Variants in MMAB observed in about 807,000 individuals in gnomAD.
MMAB encodes the protein metabolism of cobalamin associated B.
MMAB carries 17 observed loss-of-function variants against 30.6 expected under a neutral mutation model. The observed-to-expected ratio is 0.56, with a 90% CI of 0.38 to 0.83. The LOEUF is 0.83. Among genes scored for constraint, MMAB ranks in the 40% least tolerant of loss-of-function variants. MMAB has a pLI of 0.00. For synonymous variants in MMAB, 134 were observed against 138.6 expected, an observed-to-expected ratio of 0.97 and a Z score of 0.23; for missense variants, 311 against 331.6, an observed-to-expected ratio of 0.94 and a Z score of 0.48.
At chr12:109,573,313 G>A (rs2136213224) in intron 1 of MMAB, 34 bp downstream of exon 1, 1 of 1,612,084 alleles carries the variant, frequency 6.2e-7, no homozygotes, top group Non-Finnish European at 8.5e-7. Context: ...ATTCACGGCA[G>A]GTGTTCGAGT....
chr12:109,555,834 C>CT lies in MMAB; in HGVS notation c.*1193dup, dbSNP rs1156621214. 4.4e-6 allele frequency: 2 copies of CT among 454,014 alleles called. No individual in the cohort carries two copies. The highest frequency in any genetic ancestry group is 1.4e-4 in the East Asian group (2 of 14,384). The allele number at this position is 454,014 out of a possible 1,614,324, so 28.1% of individuals were successfully genotyped here. On this transcript the variant is annotated 3_prime_UTR_variant, in exon 9 of 9. Transcript: ENST00000545712. ...AATGAAGGCAAAAATATGCACGTGA[C>CT]TAAGAAGGTAATGTTTGCTGACTTG...
intron 4 of MMAB, among the ~76,000 whole-genome samples, chr12:109,564,028 G>A (rs918975636): frequency 1.3e-5 from 2 of 152,220 alleles, no homozygotes; most frequent in Non-Finnish European, 2.9e-5. Flanking sequence ...GAGTCCCACG[G>A]GCTGAGGGCT....
At chr12:109,571,823 C>G in intron 1 of MMAB, 113 bp from the exon 2 acceptor site, 1 of 815,016 alleles carries the variant, frequency 1.2e-6, no homozygotes. Context: ...GCACTTACCC[C>G]TTACTGCTTA....
At chr12:109,573,255 C>T in intron 1 of MMAB, 92 bp downstream of exon 1, 1 of 1,549,588 alleles carries the variant, frequency 6.5e-7, no homozygotes, top group Non-Finnish European at 8.9e-7. Flanking sequence ...TGACGGTTGC[C>T]GCGGTGACCT....
At chr12:109,560,966 T>TCCCTCTCCCTCCCCCCTCCCCC in intron 7 of MMAB, 74 bp downstream of exon 7, 1 of 877,612 alleles carries the variant, frequency 1.1e-6, no homozygotes, top group Non-Finnish European at 1.8e-6. Context: ...CGTCCTCCTC[T>TCCCTCTCCCTCCCCCCTCCCCC]CCCTCTCCCT....
rs567978943 is a variant in MMAB at position 109,556,207 on chromosome 12, G to A, written c.*821C>T. On this transcript the variant is annotated 3_prime_UTR_variant, in exon 9 of 9. Coordinates refer to ENST00000545712, the MANE Select transcript of MMAB (RefSeq NM_052845.4). ...GCATAAGCCAGCCAAGTGCAACATCGGAGAAATCAGTCTGGTGGATGTCAG... is the reference window on the plus strand; with the variant it reads ...GCATAAGCCAGCCAAGTGCAACATCAGAGAAATCAGTCTGGTGGATGTCAG... 310 of 454,072 alleles carry A rather than the reference G, an allele frequency of 6.8e-4. No homozygotes were observed. The highest frequency in any genetic ancestry group is 4.7e-3 in the African/African-American group (234 of 50,086). 28.1% of individuals were successfully genotyped at this position (454,072 alleles called of 1,614,324 possible).
At chr12:109,573,275 G>T in intron 1 of MMAB, 72 bp downstream of exon 1, 5 of 1,597,176 alleles carry the variant, frequency 3.1e-6, no homozygotes, top group Non-Finnish European at 4.3e-6. Flanking sequence ...TCACGGCGGT[G>T]TGACGTACCC....
chr12:109,561,076 T>A lies in MMAB; in HGVS notation c.548A>T (p.His183Leu), dbSNP rs752866643. 16 of 1,541,046 alleles carry A rather than the reference T, an allele frequency of 1.0e-5. No individual in the cohort carries two copies. In the Admixed American group the frequency reaches 1.2e-4, roughly 12 times the overall value. ...PSGGKISSAL[H>L]FCRAVCRRAE... ...CCGGCGGCACACGGCCCGGCAGAAA[T>A]GCAGCGCCGAGCTGATCTTGCCTCC... is the stretch of plus-strand genomic sequence containing the variant. The change falls in exon 7 of 9, where the codon CAT (histidine) becomes CTT (leucine). Residue 183 changes from histidine to leucine, a missense_variant. Coordinates refer to ENST00000545712, the MANE Select transcript of MMAB (RefSeq NM_052845.4). The surrounding 1 kb of genome is among the most constrained non-coding windows in gnomAD (Gnocchi z 5.3).
At chr12:109,564,969 G>C (rs770244644) in intron 4 of MMAB, 150 bp downstream of exon 4, 1 of 776,828 alleles carries the variant, frequency 1.3e-6, no homozygotes, top group Non-Finnish European at 2.3e-6. Context: ...TACCTGGCCT[G>C]TCCGCATTTT....
chr12:109,564,890 G>C lies in MMAB; in HGVS notation c.348+229C>G, dbSNP rs1884359167. 9.6e-6 allele frequency: 6 copies of C among 628,240 alleles called. No homozygotes were observed. In the Admixed American group the frequency reaches 1.0e-4, roughly 11 times the overall value. The allele number at this position is 628,240 out of a possible 1,614,324, so 38.9% of individuals were successfully genotyped here. On this transcript the variant is annotated intron_variant, in intron 4 of 8. Coordinates refer to ENST00000545712, the MANE Select transcript of MMAB (RefSeq NM_052845.4). ...GTCAGGGTCTTATTATGTTACCTAG[G>C]CTCCTGGCCTCAAGTGATCTTCCTG...
chr12:109,571,096 C>G (rs900299805), intron 2 of MMAB, among the ~76,000 whole-genome samples: 6 of 152,170 alleles, frequency 3.9e-5, no homozygotes, highest in East Asian at 1.9e-4. Context: ...ACCTTTCAGA[C>G]TATTCTACAC....
At chr12:109,573,267 A>G (rs1884723554) in intron 1 of MMAB, 80 bp downstream of exon 1, 1 of 1,586,620 alleles carries the variant, frequency 6.3e-7, no homozygotes, top group Non-Finnish European at 8.6e-7. Context: ...CGGTGACCTC[A>G]CGGCGGTGTG....
chr12:109,561,271 C>A lies in MMAB; in HGVS notation c.519+149G>T. On this transcript the variant is annotated intron_variant, in intron 6 of 8. Transcript: ENST00000545712. The surrounding 1 kb of genome is among the most constrained non-coding windows in gnomAD (Gnocchi z 5.3). ...GCACGCTGCTCCAGAGTGGGCAGGGCTGGGAGGGACCGGTGAGGACCTGGA... is the reference window on the plus strand; with the variant it reads ...GCACGCTGCTCCAGAGTGGGCAGGGATGGGAGGGACCGGTGAGGACCTGGA... 6.3e-7 allele frequency: 1 copy of A among 1,582,640 alleles called. No individual in the cohort carries two copies. Among genetic ancestry groups the A allele is most frequent in the Non-Finnish European group, 8.5e-7 (1 of 1,172,098 alleles).
At chr12:109,572,494 C>T (rs1471147596) in intron 1 of MMAB, among the ~76,000 whole-genome samples, 1 of 148,232 alleles carries the variant, frequency 6.7e-6, no homozygotes, top group Non-Finnish European at 1.5e-5. Flanking sequence ...TCAAGCAATA[C>T]TCCTGCCTCA....
At chr12:109,562,490 G>A (rs1819307113) in intron 4 of MMAB, among the ~76,000 whole-genome samples, 1 of 152,186 alleles carries the variant, frequency 6.6e-6, no homozygotes. Context: ...TGCAGTCTGA[G>A]GGAGGAAAAG....
Position 109,561,619 on chromosome 12 carries a change from T to C in MMAB, c.422-102A>G. 1 of 1,237,914 alleles carries C rather than the reference T, an allele frequency of 8.1e-7. No individual in the cohort carries two copies. Among genetic ancestry groups the C allele is most frequent in the Admixed American group, 2.0e-5 (1 of 50,624 alleles). The allele number at this position is 1,237,914 out of a possible 1,614,324, so 76.7% of individuals were successfully genotyped here. ...CCTTCCACCTGGGTGTCCCGCAGAC[T>C]GCTTCCACTGGCTCAGAAGGTACCT... On this transcript the variant is annotated intron_variant, in intron 5 of 8. Transcript: ENST00000545712. This position sits in a 1 kb window ranked among gnomAD's most constrained non-coding sequence, Gnocchi z 5.3.
intron 7 of MMAB, 63 bp downstream of exon 7, chr12:109,560,977 C>G: frequency 5.5e-6 from 3 of 546,842 alleles, no homozygotes; most frequent in Non-Finnish European, 1.0e-5. Context: ...CCCTCTCCCT[C>G]CCCCCTCCCC....
At chr12:109,564,379 GTTTTTTTTT>G (rs869192707) in intron 4 of MMAB, among the ~76,000 whole-genome samples, 2 of 126,756 alleles carry the variant, frequency 1.6e-5, no homozygotes, top group Non-Finnish European at 3.3e-5. Flanking sequence ...GGAGACAGAG[GTTTTTTTTT>G]TTTTTTTTTT....
intron 4 of MMAB, among the ~76,000 whole-genome samples, chr12:109,564,440 G>A (rs1234769584): frequency 6.7e-6 from 1 of 149,368 alleles, no homozygotes; most frequent in African/African-American, 2.5e-5. Flanking sequence ...CTACAGTGCA[G>A]TGGTGTAATC....
Sources: allele counts gnomAD v4.1 joint callset (sites outside exome capture counted in the v4.1 genomes callset), GRCh38; gene constraint gnomAD v4.1.1; non-coding constraint Gnocchi (gnomAD v3.1); transcripts MANE v1.5; gene names NCBI Gene and HGNC (gene_info 2026-07-23, HGNC 2026-07-21).